RNF135: variants seen among roughly 807,000 people sequenced by gnomAD.
RNF135 encodes the protein ring finger protein 135.
In RNF135, 46 loss-of-function variants were observed where a neutral mutation model predicts 41.9. The ratio of observed to expected loss-of-function variants is 1.10; its 90% CI spans 0.87 to 1.40. The LOEUF is 1.40. Among genes scored for constraint, RNF135 ranks in the 40% most tolerant of loss-of-function variants. The pLI is 0.00. For missense variants in RNF135, 539 were observed against 549.8 expected (o/e 0.98, Z 0.20); for synonymous variants, 238 against 223.8 (o/e 1.06, Z -0.57).
upstream of RNF135, among the ~76,000 whole-genome samples, chr17:30,968,143 C>G (rs899878576): frequency 3.3e-5 from 5 of 151,358 alleles, no homozygotes; most frequent in African/African-American, 1.2e-4. Flanking sequence ...ACAAAATTAG[C>G]CGGGCATGGT....
At chr17:30,979,251 C>CA (rs1906762447) in intron 1 of RNF135, 1 of 138,316 alleles carries the variant, frequency 7.2e-6, no homozygotes, top group Admixed American at 7.0e-5. Context: ...CCCCCCCCCC[C>CA]ACCCTCCCGG....
intron 1 of RNF135, among the ~76,000 whole-genome samples, chr17:30,976,315 T>G (rs1022169975): frequency 6.6e-6 from 1 of 152,236 alleles, no homozygotes; most frequent in Non-Finnish European, 1.5e-5. Flanking sequence ...ATTTCAATTT[T>G]TTTTGAATGT....
the RNF135 span, chr17:30,965,629 T>C: frequency 6.6e-6 from 1 of 152,230 alleles, no homozygotes; most frequent in Non-Finnish European, 1.5e-5. Flanking sequence ...GGGTTCTTCC[T>C]GCCCACTGCA....
In RNF135 at chr17:30,988,900, G is replaced by GT. The variant is rs1245302300; in HGVS notation, c.679+804dup. On this transcript the variant is annotated intron_variant, in intron 3 of 4. Transcript: ENST00000328381. ...CCACGCCTGGCTAATTTTTGCGTTG[G>GT]TTTTTTTTTTCTTTTCTTTCTTTCT... 3.7e-3 allele frequency among the ~76,000 whole-genome samples: 458 copies of GT among 124,904 alleles called. 4 individuals carry two copies. Among genetic ancestry groups the GT allele is most frequent in the African/African-American group, 0.012 (405 of 35,002 alleles). The allele number at this position is 124,904 out of a possible 152,430, so 81.9% of individuals were successfully genotyped here.
At chr17:30,970,847 C>G, upstream of RNF135, 2 of 622,798 alleles carry the variant, frequency 3.2e-6, no homozygotes. Flanking sequence ...TTTCCCAGGG[C>G]AAGAGGCCGC....
upstream of RNF135, chr17:30,970,171 T>G (rs575878440): frequency 2.0e-5 from 3 of 150,420 alleles, no homozygotes; most frequent in East Asian, 5.8e-4. Flanking sequence ...CATGAGAGCC[T>G]GCAAGTTTTT....
chr17:30,974,495 G>A (rs1001677610), intron 1 of RNF135, among the ~76,000 whole-genome samples: 5 of 151,732 alleles, frequency 3.3e-5, no homozygotes, highest in Admixed American at 3.3e-4. Context: ...ATCACTTTGG[G>A]TAGTATTGAC....
upstream of RNF135, chr17:30,970,968 G>A: frequency 4.8e-6 from 7 of 1,466,578 alleles, no homozygotes; most frequent in Non-Finnish European, 6.4e-6. Flanking sequence ...GAGAAAAGGC[G>A]GCCGAGAAAA....
intron 2 of RNF135, among the ~76,000 whole-genome samples, chr17:30,986,894 C>A (rs116664531): frequency 1.3e-5 from 2 of 152,122 alleles, no homozygotes; most frequent in Non-Finnish European, 2.9e-5. Flanking sequence ...TTTTGTAAAA[C>A]GGAGATTTTT....
intron 3 of RNF135, among the ~76,000 whole-genome samples, chr17:30,989,169 A>G (rs1484166586): frequency 6.6e-5 from 10 of 151,580 alleles, no homozygotes; most frequent in Non-Finnish European, 5.9e-5. Flanking sequence ...CAGGAGTTCA[A>G]GACCAGCCTG....
chr17:30,980,428 C>T (rs1214196161), intron 1 of RNF135, among the ~76,000 whole-genome samples: 1 of 147,396 alleles, frequency 6.8e-6, no homozygotes, highest in Non-Finnish European at 1.5e-5. Flanking sequence ...AGGGGCTCCT[C>T]ACTTCCCAGT....
intron 3 of RNF135, among the ~76,000 whole-genome samples, chr17:30,990,170 T>C (rs1031016756): frequency 7.9e-5 from 12 of 152,264 alleles, no homozygotes; most frequent in Admixed American, 7.2e-4. Context: ...ATTTTATTTA[T>C]ACAAATTTAA....
chr17:30,975,029 TTAC>T (rs1030421533), intron 1 of RNF135, among the ~76,000 whole-genome samples: 1 of 151,766 alleles, frequency 6.6e-6, no homozygotes, highest in Non-Finnish European at 1.5e-5. Flanking sequence ...TGGCTCACAC[TTAC>T]AATCCTAGCA....
intron 1 of RNF135, among the ~76,000 whole-genome samples, chr17:30,974,165 C>G (rs1411041256): frequency 2.0e-5 from 3 of 152,204 alleles, no homozygotes; most frequent in Admixed American, 6.6e-5. Context: ...GATTGTACCA[C>G]TGCACTCCAG....
At chr17:30,970,951 G>A (rs1196690402), upstream of RNF135, 33 of 1,361,038 alleles carry the variant, frequency 2.4e-5, no homozygotes, top group Non-Finnish European at 3.2e-5. Context: ...TGGCGCCAAG[G>A]AAGGAGGAGA....
At chr17:30,975,708 C>A in intron 1 of RNF135, 2 of 1,418,888 alleles carry the variant, frequency 1.4e-6, no homozygotes, top group Non-Finnish European at 1.0e-6. Context: ...GACACACTAC[C>A]CAGATTGCCC....
chr17:30,983,335 ATATATATATATATATATAT>A lies in RNF135; in HGVS notation c.373-1280_373-1262del, dbSNP rs1312112111. On this transcript the variant is annotated intron_variant, in intron 1 of 4. Coordinates refer to ENST00000328381, the MANE Select transcript of RNF135 (RefSeq NM_032322.4). ...CATATATGTACATATATATATATAT[ATATATATATATATATATAT>A]TTTTTTTTTTTTTTTTTGAGATGGA... is the stretch of plus-strand genomic sequence containing the variant. 1.9e-3 allele frequency among the ~76,000 whole-genome samples: 50 copies of A among 25,790 alleles called. 1 individual carries two copies. The highest frequency in any genetic ancestry group is 3.8e-3 in the African/African-American group (37 of 9,746). 16.9% of individuals were successfully genotyped at this position (25,790 alleles called of 152,430 possible).
chr17:30,960,559 T>C, the RNF135 span, among the ~76,000 whole-genome samples: 11 of 152,082 alleles, frequency 7.2e-5, no homozygotes, highest in East Asian at 2.1e-3. Flanking sequence ...AGACTCTGCT[T>C]CAGCAAAGAA....
rs1404619950 is a variant in RNF135 at position 30,971,428 on chromosome 17, C to T, written c.355C>T (p.Arg119Cys). The T allele has an allele frequency of 6.6e-7, 1 of 1,514,700 alleles. No homozygotes were observed. The allele number at this position is 1,514,700 out of a possible 1,614,324, so 93.8% of individuals were successfully genotyped here. A position where few individuals can be genotyped will look rare whatever the true frequency, so the allele number is the denominator to read the frequency against. Residue 119 changes from arginine to cysteine, a missense_variant, in exon 1 of 5, where the codon CGC (arginine) becomes TGC (cysteine). Physicochemically the swap from Arg to Cys is radical, Grantham distance 180. Coordinates refer to ENST00000328381, the MANE Select transcript of RNF135 (RefSeq NM_032322.4). ...CAGCGCGGCCGCGAGGCCCCGGCGCCGCCCGGAACTGCAGCGGGTAGGGAG... is the reference window on the plus strand; with the variant it reads ...CAGCGCGGCCGCGAGGCCCCGGCGCTGCCCGGAACTGCAGCGGGTAGGGAG... ...LSSAAARPRR[R>C]PELQRVAVEK...
Sources: gnomAD v4.1 joint callset for allele counts (sites outside exome capture counted in the v4.1 genomes callset) on GRCh38, gnomAD v4.1.1 for gene constraint, MANE v1.5 for transcripts, NCBI Gene and HGNC (gene_info 2026-07-23, HGNC 2026-07-21) for gene names.